RNF115: variants seen among roughly 807,000 people sequenced by gnomAD.
RNF115 encodes the protein ring finger protein 115.
Under a neutral mutation model 39.2 loss-of-function variants are expected in RNF115, and 31 were observed. That is an observed-to-expected ratio of 0.79 (90% CI 0.59 to 1.07). The LOEUF is 1.07. RNF115 is among the 50% of genes least tolerant of loss of function. The probability of loss-of-function intolerance (pLI) is 0.00; values close to 1 mark genes in which losing one functional copy is unlikely to be tolerated. For missense variants in RNF115, 384 were observed against 381.7 expected (o/e 1.01, Z -0.05); for synonymous variants, 124 against 131.0 (o/e 0.95, Z 0.37).
chr1:145,749,360 C>G (rs1657994079), intron 7 of RNF115, among the ~76,000 whole-genome samples: 1 of 152,130 alleles, frequency 6.6e-6, no homozygotes, highest in South Asian at 2.1e-4. Context: ...TCCCTCAAAC[C>G]AGCTCCACAG....
intron 4 of RNF115, among the ~76,000 whole-genome samples, chr1:145,770,611 A>G (rs1285030732): frequency 1.3e-5 from 2 of 151,960 alleles, no homozygotes; most frequent in Non-Finnish European, 2.9e-5. Flanking sequence ...CTAGATTCAT[A>G]TAGCCCTAGA....
intron 1 of RNF115, among the ~76,000 whole-genome samples, chr1:145,795,510 T>C (rs879160043): frequency 6.6e-6 from 1 of 152,134 alleles, no homozygotes; most frequent in African/African-American, 2.4e-5. Context: ...CTGATTAGTG[T>C]GTTTACAATC....
intron 1 of RNF115, among the ~76,000 whole-genome samples, chr1:145,809,608 C>CG (rs1649610964): frequency 1.1e-5 from 1 of 93,606 alleles, no homozygotes; most frequent in African/African-American, 4.5e-5. Context: ...AATTCTTCTG[C>CG]ATCAGCCTCC....
Position 145,823,955 on chromosome 1 carries a change from C to T in RNF115, c.-82G>A, listed in dbSNP as rs1468095946. 1 of 928,566 alleles carries T rather than the reference C, an allele frequency of 1.1e-6. No individual in the cohort carries two copies. The allele number at this position is 928,566 out of a possible 1,614,324, so 57.5% of individuals were successfully genotyped here. ...GCTACCTCCCGAGCTGCAGTCGTCG[C>T]CGCCGCCGCCGCCTCGGTGCGGCCC... On this transcript the variant is annotated 5_prime_UTR_variant, in exon 1 of 9. Transcript: ENST00000582693.
chr1:145,761,049 T>G (rs587626121), intron 4 of RNF115, among the ~76,000 whole-genome samples: 1 of 152,292 alleles, frequency 6.6e-6, no homozygotes, highest in South Asian at 2.1e-4. Context: ...CCCTACAGAT[T>G]TGTGGAACTT....
At chr1:145,800,714 G>A (rs1649196172) in intron 1 of RNF115, among the ~76,000 whole-genome samples, 1 of 152,152 alleles carries the variant, frequency 6.6e-6, no homozygotes. Flanking sequence ...GGTACTATCT[G>A]ACCACAACCA....
intron 2 of RNF115, chr1:145,787,183 A>C (rs781989821): frequency 2.2e-5 from 10 of 446,398 alleles, no homozygotes; most frequent in Admixed American, 8.8e-5. Context: ...TTCAATTTTC[A>C]GACGAATGTT....
chr1:145,751,114 CCTTT>C (rs1456349536), intron 6 of RNF115, among the ~76,000 whole-genome samples: 6 of 152,300 alleles, frequency 3.9e-5, no homozygotes, highest in Non-Finnish European at 5.9e-5. Context: ...AGGAAACCCT[CCTTT>C]TTTTGTGAAA....
At chr1:145,789,621 C>T (rs1648564527) in intron 1 of RNF115, among the ~76,000 whole-genome samples, 1 of 151,238 alleles carries the variant, frequency 6.6e-6, no homozygotes, top group South Asian at 2.1e-4. Flanking sequence ...TAGTCTCGAA[C>T]TCCCGACCTC....
intron 3 of RNF115, among the ~76,000 whole-genome samples, chr1:145,781,903 T>TC (rs1648166448): frequency 1.3e-5 from 2 of 150,178 alleles, no homozygotes; most frequent in African/African-American, 2.4e-5. Flanking sequence ...ACTTTTCCTT[T>TC]TTTTTTTTTT....
intron 1 of RNF115, among the ~76,000 whole-genome samples, chr1:145,807,003 T>C (rs1649493247): frequency 6.6e-6 from 1 of 152,206 alleles, no homozygotes; most frequent in South Asian, 2.1e-4. Context: ...GCTTCAGTTA[T>C]TCCTTTATAA....
Position 145,746,797 on chromosome 1 carries a change from T to C in RNF115, c.*69A>G. ...TTCCTAAATCCATCTACTAATTTTTTGTTTTGATACAATTTACAGCTATGG... is the reference window on the plus strand; with the variant it reads ...TTCCTAAATCCATCTACTAATTTTTCGTTTTGATACAATTTACAGCTATGG... On this transcript the variant is annotated 3_prime_UTR_variant, in exon 9 of 9. Coordinates refer to ENST00000582693, the MANE Select transcript of RNF115 (RefSeq NM_014455.4). 1 of 1,496,582 alleles carries C rather than the reference T, an allele frequency of 6.7e-7. No homozygotes were observed. The highest frequency in any genetic ancestry group is 9.1e-7 in the Non-Finnish European group (1 of 1,099,696). 92.7% of individuals were successfully genotyped at this position (1,496,582 alleles called of 1,614,324 possible).
At chr1:145,799,760 T>C (rs1553720614) in intron 1 of RNF115, among the ~76,000 whole-genome samples, 1 of 152,182 alleles carries the variant, frequency 6.6e-6, no homozygotes, top group Non-Finnish European at 1.5e-5. Context: ...GCCTGGCTAA[T>C]TGTGTTTATT....
intron 3 of RNF115, among the ~76,000 whole-genome samples, chr1:145,783,499 A>C (rs782305917): frequency 6.6e-6 from 1 of 152,186 alleles, no homozygotes; most frequent in Non-Finnish European, 1.5e-5. Context: ...CTACTAGTAC[A>C]ATTTCAATTT....
chr1:145,806,514 C>G (rs1455180102), intron 1 of RNF115, among the ~76,000 whole-genome samples: 1 of 152,270 alleles, frequency 6.6e-6, no homozygotes, highest in Admixed American at 6.5e-5. Context: ...TGTGTCCCCT[C>G]TAAATCTCAT....
intron 1 of RNF115, among the ~76,000 whole-genome samples, chr1:145,807,165 C>T (rs2101597772): frequency 6.6e-6 from 1 of 152,286 alleles, no homozygotes; most frequent in South Asian, 2.1e-4. Context: ...TTATCAAATA[C>T]AAACTAAATT....
At chr1:145,798,625 A>G (rs1649088337) in intron 1 of RNF115, among the ~76,000 whole-genome samples, 1 of 152,170 alleles carries the variant, frequency 6.6e-6, no homozygotes, top group African/African-American at 2.4e-5. Context: ...TTTCTTTTTG[A>G]AAACTGTTCT....
intron 4 of RNF115, among the ~76,000 whole-genome samples, chr1:145,756,259 G>C (rs1553713144): frequency 6.6e-6 from 1 of 152,060 alleles, no homozygotes; most frequent in Non-Finnish European, 1.5e-5. Flanking sequence ...CCAGGAATTT[G>C]AGACCAGCCT....
At chr1:145,772,690 T>C (rs1553715935) in intron 3 of RNF115, 3 of 152,244 alleles carry the variant, frequency 2.0e-5, no homozygotes, top group African/African-American at 7.2e-5. Flanking sequence ...ATTTTAATTA[T>C]AATGTGTCTT....
Sources: gnomAD v4.1 joint callset for allele counts (sites outside exome capture counted in the v4.1 genomes callset) on GRCh38, gnomAD v4.1.1 for gene constraint, MANE v1.5 for transcripts, NCBI Gene and HGNC (gene_info 2026-07-23, HGNC 2026-07-21) for gene names.